CRELD2: variants seen among roughly 807,000 people sequenced by gnomAD.
CRELD2 encodes the protein protein disulfide isomerase CRELD2.
Under a neutral mutation model 48.1 loss-of-function variants are expected in CRELD2, and 33 were observed. That is an observed-to-expected ratio of 0.69 (90% CI 0.52 to 0.92). CRELD2 has a LOEUF of 0.92. Among genes scored for constraint, CRELD2 ranks in the 40% least tolerant of loss-of-function variants. The pLI is 0.00. For synonymous variants in CRELD2, 220 were observed against 203.9 expected, an observed-to-expected ratio of 1.08 and a Z score of -0.67; for missense variants, 477 against 482.4, an observed-to-expected ratio of 0.99 and a Z score of 0.10.
chr22:49,926,039 T>A (rs1445501538), intron 9 of CRELD2: 2 of 156,534 alleles, frequency 1.3e-5, no homozygotes, highest in Non-Finnish European at 2.8e-5. Context: ...GAGCCAGAAG[T>A]CAGAGGCCCA....
In CRELD2 at chr22:49,919,816, A is replaced by G; in HGVS notation, c.299A>G (p.His100Arg). The change falls in exon 3 of 10, where the codon CAC becomes CGC. Residue 100 changes from histidine to arginine, a missense_variant. Coordinates refer to ENST00000328268, the MANE Select transcript of CRELD2 (RefSeq NM_024324.5). ...CNQMLEAQEEHLEAWWLQLKS... is the reference protein window; with the variant it reads ...CNQMLEAQEERLEAWWLQLKS... ...CAGATGCTAGAGGCGCAGGAGGAGC[A>G]CCTGGAGGCCTGGTGGCTGCAGCTG... 6.2e-7 allele frequency: 1 copy of G among 1,611,886 alleles called. No homozygotes were observed. Among genetic ancestry groups the G allele is most frequent in the Non-Finnish European group, 8.5e-7 (1 of 1,178,938 alleles).
At position 49,918,907 on chromosome 22, in the gene CRELD2, G is replaced by C; in HGVS notation, c.129+9G>C. The C allele has an allele frequency of 7.5e-7, 1 of 1,324,730 alleles. No individual in the cohort carries two copies. The highest frequency in any genetic ancestry group is 9.6e-7 in the Non-Finnish European group (1 of 1,039,444). The allele number at this position is 1,324,730 out of a possible 1,614,324, so 82.1% of individuals were successfully genotyped here. On this transcript the variant is annotated intron_variant, in intron 1 of 9. Coordinates refer to ENST00000328268, the MANE Select transcript of CRELD2 (RefSeq NM_024324.5). ...TGGACAAGTTTAACCAGGTGGGAAG[G>C]GGCCGGGCGGGGTCGTCAACCTTGG...
chr22:49,920,177 A>G lies in CRELD2; in HGVS notation c.345A>G (p.Leu115=), dbSNP rs1157116747. Residue 115 remains leucine (L), a synonymous_variant, in exon 4 of 10, where the codon TTA becomes TTG. Transcript: ENST00000328268. ...WLQLKSEYPD[L]FEWFCVKTLK... ...TCAGGAAGAGCGAATATCCTGACTTATTCGAGTGGTTTTGTGTGAAGACAC... is the reference window on the plus strand; with the variant it reads ...TCAGGAAGAGCGAATATCCTGACTTGTTCGAGTGGTTTTGTGTGAAGACAC... 69 of 1,612,348 alleles carry G rather than the reference A, an allele frequency of 4.3e-5. No individual in the cohort carries two copies. The highest frequency in any genetic ancestry group is 5.6e-5 in the Non-Finnish European group (66 of 1,179,050).
intron 5 of CRELD2, chr22:49,921,992 C>T (rs955949688): frequency 6.6e-6 from 4 of 604,930 alleles, no homozygotes; most frequent in Non-Finnish European, 1.2e-5. Flanking sequence ...ACTCACCTTT[C>T]TCTCTAGTTC....
intron 9 of CRELD2, chr22:49,925,876 A>G (rs1213127728): frequency 7.9e-6 from 5 of 631,028 alleles, no homozygotes; most frequent in Non-Finnish European, 1.1e-5. Flanking sequence ...AGAGCTGGAA[A>G]AGTCATCCGG....
At position 49,919,425 on chromosome 22, in the gene CRELD2, C is replaced by T. The variant is rs371070867; in HGVS notation, c.212+113C>T. On this transcript the variant is annotated intron_variant, in intron 2 of 9. Transcript: ENST00000328268. ...GGGAGACAGAACAGCCCCCGAGGCA[C>T]CAGTCACCCGTCCGAGTCACCTCGG... The T allele has an allele frequency of 5.1e-6, 5 of 974,184 alleles. No individual in the cohort carries two copies. The South Asian group carries it at 7.3e-5, about 14-fold the overall frequency. 60.3% of individuals were successfully genotyped at this position (974,184 alleles called of 1,614,324 possible).
At chr22:49,919,976 G>GT (rs749488556) in intron 3 of CRELD2, 136 bp downstream of exon 3, 1 of 809,800 alleles carries the variant, frequency 1.2e-6, no homozygotes, top group Non-Finnish European at 2.0e-6. Flanking sequence ...CTGCATTACC[G>GT]TTTTTTATCA....
chr22:49,923,863 GCCATAGTGCC>G (rs1052632565), intron 7 of CRELD2: 2 of 250,888 alleles, frequency 8.0e-6, no homozygotes, highest in Non-Finnish European at 1.6e-5. Context: ...GTCTTTTAGA[GCCATAGTGCC>G]CCAGAAAAGT....
chr22:49,922,870 G>GATGT (rs1416363919), intron 6 of CRELD2, among the ~76,000 whole-genome samples, 163 bp downstream of exon 6: 1 of 103,588 alleles, frequency 9.7e-6, no homozygotes, highest in Non-Finnish European at 1.9e-5. Flanking sequence ...CTTGGGGTGT[G>GATGT]GGGGGCGTGA....
chr22:49,926,603 C>T (rs1402634269), intron 9 of CRELD2: 1 of 139,112 alleles, frequency 7.2e-6, no homozygotes, highest in Admixed American at 7.1e-5. Flanking sequence ...CTGCCTCTTG[C>T]CCCTCCCTCC....
At chr22:49,922,814 G>A in intron 6 of CRELD2, 107 bp downstream of exon 6, 1 of 64,854 alleles carries the variant, frequency 1.5e-5, no homozygotes, top group Admixed American at 1.3e-4. Context: ...GGGAGGCAGG[G>A]GGGCGTGAAG....
At chr22:49,919,019 C>A in intron 1 of CRELD2, 121 bp downstream of exon 1, 1 of 949,814 alleles carries the variant, frequency 1.1e-6, no homozygotes, top group Non-Finnish European at 1.5e-6. Flanking sequence ...TCCCCCTCAC[C>A]CTGGATTCGG....
intron 5 of CRELD2, chr22:49,922,213 G>T: frequency 6.9e-7 from 1 of 1,440,870 alleles, no homozygotes; most frequent in Non-Finnish European, 9.3e-7. Flanking sequence ...GTGGTTGGCC[G>T]GCAGCCCCTA....
chr22:49,925,268 G>C (rs577150734), intron 8 of CRELD2, 149 bp from the exon 9 acceptor site: 1 of 613,208 alleles, frequency 1.6e-6, no homozygotes. Context: ...CCCTCTCGAA[G>C]CCTTTCCTGA....
chr22:49,925,195 C>A (rs1384347453), intron 8 of CRELD2: 3 of 430,438 alleles, frequency 7.0e-6, no homozygotes, highest in Non-Finnish European at 1.2e-5. Context: ...CCGGCCCCAC[C>A]TGGAGGTCTC....
In CRELD2 at chr22:49,920,160, A is replaced by G. The variant is rs764143058; in HGVS notation, c.328A>G (p.Ser110Gly). 2.1e-5 allele frequency: 33 copies of G among 1,604,074 alleles called. No individual in the cohort carries two copies. The highest frequency in any genetic ancestry group is 2.3e-5 in the Non-Finnish European group (27 of 1,171,500). ...HLEAWWLQLK[S>G]EYPDLFEWFC... ...AATGTTTTCCTCCATCCTCAGGAAG[A>G]GCGAATATCCTGACTTATTCGAGTG... Residue 110 changes from serine to glycine, a missense_variant, in exon 4 of 10, where the codon AGC becomes GGC. Ser to Gly is a moderately conservative substitution (Grantham distance 56). Coordinates refer to ENST00000328268, the MANE Select transcript of CRELD2 (RefSeq NM_024324.5).
At chr22:49,922,202 TGTGGTTGG>T in intron 5 of CRELD2, 2 of 1,355,836 alleles carry the variant, frequency 1.5e-6, no homozygotes, top group South Asian at 3.0e-5. Flanking sequence ...GACGTGAGTG[TGTGGTTGG>T]CCGGCAGCCC....
intron 6 of CRELD2, among the ~76,000 whole-genome samples, 192 bp from the exon 7 acceptor site, chr22:49,923,042 G>GCCTCATCC (rs1374460846): frequency 6.6e-6 from 1 of 151,876 alleles, no homozygotes; most frequent in Non-Finnish European, 1.5e-5. Flanking sequence ...CCTGGCCATC[G>GCCTCATCC]CCTCATCCCC....
intron 5 of CRELD2, chr22:49,922,290 TC>T: frequency 2.5e-6 from 3 of 1,183,102 alleles, no homozygotes; most frequent in South Asian, 1.6e-5. Context: ...CTTACGCCCC[TC>T]AGCAGTCAGG....
Sources: gnomAD v4.1 joint callset for allele counts (sites outside exome capture counted in the v4.1 genomes callset) on GRCh38, gnomAD v4.1.1 for gene constraint, MANE v1.5 for transcripts, NCBI Gene and HGNC (gene_info 2026-07-23, HGNC 2026-07-21) for gene names.